Variants in MOV10L1 observed in about 807,000 individuals in gnomAD.
MOV10L1 encodes the protein Mov10 like RNA helicase 1.
In MOV10L1, 110 loss-of-function variants were observed where a neutral mutation model predicts 143.8. That is an observed-to-expected ratio of 0.76 (90% CI 0.66 to 0.90). The LOEUF (loss-of-function observed/expected upper bound fraction) is 0.90, where lower values mean the gene tolerates loss of function less well. MOV10L1 is among the 40% of genes least tolerant of loss of function. MOV10L1 has a pLI of 0.00. For synonymous variants in MOV10L1, 593 were observed against 581.1 expected (o/e 1.02, Z -0.29); for missense variants, 1,406 against 1,526.8 (o/e 0.92, Z 1.32).
intron 3 of MOV10L1, among the ~76,000 whole-genome samples, chr22:50,101,533 G>C (rs1179419319): frequency 6.7e-6 from 1 of 148,534 alleles, no homozygotes; most frequent in Non-Finnish European, 1.5e-5. Context: ...TTTTTTCTTT[G>C]TTTGAGACAG....
intron 15 of MOV10L1, among the ~76,000 whole-genome samples, chr22:50,141,867 A>G (rs2272834): frequency 1.3e-5 from 2 of 152,182 alleles, no homozygotes; most frequent in African/African-American, 4.8e-5. Context: ...TCTAAAAGCA[A>G]GTTTAAAGAA....
chr22:50,135,410 G>A (rs2062797031), intron 15 of MOV10L1, among the ~76,000 whole-genome samples: 2 of 151,920 alleles, frequency 1.3e-5, no homozygotes, highest in South Asian at 2.1e-4. Context: ...TACACACCCC[G>A]CAAATTGTTA....
intron 21 of MOV10L1, 22 bp downstream of exon 21, chr22:50,150,921 G>T: frequency 1.9e-6 from 3 of 1,613,646 alleles, no homozygotes; most frequent in Non-Finnish European, 2.5e-6. Context: ...ACTCCAGCGC[G>T]TTCAGGTCCC....
At chr22:50,099,703 T>C (rs1219577619) in intron 3 of MOV10L1, 101 bp downstream of exon 3, 1 of 1,370,762 alleles carries the variant, frequency 7.3e-7, no homozygotes, top group African/African-American at 1.4e-5. Context: ...ATCCCAGCAC[T>C]TTGTCAGGCT....
At chr22:50,110,192 G>A (rs1001613988) in intron 5 of MOV10L1, among the ~76,000 whole-genome samples, 2 of 152,092 alleles carry the variant, frequency 1.3e-5, no homozygotes, top group East Asian at 1.9e-4. Flanking sequence ...GCTCACGCCC[G>A]TAATACCAGC....
intron 3 of MOV10L1, among the ~76,000 whole-genome samples, chr22:50,107,893 A>T (rs566830388): frequency 6.6e-6 from 1 of 152,328 alleles, no homozygotes; most frequent in Non-Finnish European, 1.5e-5. Flanking sequence ...GAGCATGCAC[A>T]CTGCACCTTC....
At position 50,158,017 on chromosome 22, in the gene MOV10L1, T is replaced by C. The variant is rs761008458; in HGVS notation, c.3067-40T>C. ...CTGGATTGTAGCCTTCTGGTGAATA[T>C]TCATGAAGTAAAGTAGGTTTTCTCT... On this transcript the variant is annotated intron_variant, in intron 22 of 26. Transcript: ENST00000262794. This position sits in a 1 kb window ranked among gnomAD's most constrained non-coding sequence, Gnocchi z 5.0. 1 of 1,588,284 alleles carries C rather than the reference T, an allele frequency of 6.3e-7. No individual in the cohort carries two copies. Among genetic ancestry groups the C allele is most frequent in the East Asian group, 2.2e-5 (1 of 44,540 alleles).
Position 50,090,101 on chromosome 22 carries a change from G to C in MOV10L1, c.13G>C (p.Ala5Pro). The change falls in exon 1 of 27, where the codon GCA becomes CCA. Residue 5 changes from alanine (A) to proline (P), a missense_variant. Ala to Pro is a conservative substitution (Grantham distance 27). Around this residue, in one of 3 missense-constraint regions of MOV10L1, gnomAD observed 166 missense variants for 153.9 expected, o/e 1.08. Coordinates refer to ENST00000262794, the MANE Select transcript of MOV10L1 (RefSeq NM_018995.3). ...CCGGGCGAGGGCCATGCTGAGCCTCGCAGCCAAGCTGGTGGCCTTCTTCTG... is the reference window on the plus strand; with the variant it reads ...CCGGGCGAGGGCCATGCTGAGCCTCCCAGCCAAGCTGGTGGCCTTCTTCTG... MLSLAAKLVAFFWRT... is the reference protein window; with the variant it reads MLSLPAKLVAFFWRT... 7.4e-7 allele frequency: 1 copy of C among 1,349,116 alleles called. No homozygotes were observed. Among genetic ancestry groups the C allele is most frequent in the Non-Finnish European group, 9.5e-7 (1 of 1,050,176 alleles). The allele number at this position is 1,349,116 out of a possible 1,614,324, so 83.6% of individuals were successfully genotyped here.
chr22:50,160,604 A>T (rs913034978), intron 24 of MOV10L1, 84 bp from the exon 25 acceptor site: 1 of 1,483,988 alleles, frequency 6.7e-7, no homozygotes, highest in Non-Finnish European at 9.1e-7. Flanking sequence ...TAACATTTTT[A>T]AATGTTTTTA....
chr22:50,145,915 A>C, intron 19 of MOV10L1, 105 bp downstream of exon 19: 1 of 1,512,118 alleles, frequency 6.6e-7, no homozygotes, highest in Admixed American at 1.8e-5. Flanking sequence ...CTCAGTGCTC[A>C]GGGAGGGAGG....
At position 50,161,609 on chromosome 22, in the gene MOV10L1, C is replaced by T; in HGVS notation, c.*160C>T. ...TTGGACGCAGCTGCTGCTGCCCTGA[C>T]TTTGGCATATGCCAGCCTGTTCCTG... On this transcript the variant is annotated 3_prime_UTR_variant, in exon 27 of 27. Coordinates refer to ENST00000262794, the MANE Select transcript of MOV10L1 (RefSeq NM_018995.3). 1 of 683,450 alleles carries T rather than the reference C, an allele frequency of 1.5e-6. No homozygotes were observed. Among genetic ancestry groups the T allele is most frequent in the East Asian group, 2.9e-5 (1 of 34,692 alleles). 42.3% of individuals were successfully genotyped at this position (683,450 alleles called of 1,614,324 possible). A position where few individuals can be genotyped will look rare whatever the true frequency, so the allele number is the denominator to read the frequency against.
intron 19 of MOV10L1, 112 bp from the exon 20 acceptor site, chr22:50,149,503 G>A: frequency 9.7e-7 from 1 of 1,031,172 alleles, no homozygotes; most frequent in South Asian, 1.5e-5. Flanking sequence ...CACACCCCTG[G>A]GCAACCCTGC....
intron 10 of MOV10L1, among the ~76,000 whole-genome samples, chr22:50,121,902 G>T (rs914832142): frequency 3.3e-5 from 5 of 152,214 alleles, no homozygotes; most frequent in African/African-American, 1.2e-4. Flanking sequence ...TGCTTTTCAA[G>T]ATCTTTTATA....
chr22:50,119,840 G>A (rs1437757668), intron 9 of MOV10L1, among the ~76,000 whole-genome samples: 2 of 151,812 alleles, frequency 1.3e-5, no homozygotes, highest in Non-Finnish European at 2.9e-5. Context: ...AGAGCTGGGA[G>A]GGAATGAGGG....
Position 50,144,142 on chromosome 22 carries a change from T to TC in MOV10L1, c.2406dup (p.Asn803GlnfsTer5). 1 of 1,613,486 alleles carries TC rather than the reference T, an allele frequency of 6.2e-7. No homozygotes were observed. The highest frequency in any genetic ancestry group is 8.5e-7 in the Non-Finnish European group (1 of 1,179,416). On this transcript the variant is annotated frameshift_variant, in exon 18 of 27. Coordinates refer to ENST00000262794, the MANE Select transcript of MOV10L1 (RefSeq NM_018995.3). LOFTEE classifies it high-confidence loss of function. Reference sequence around the variant, plus strand: ...CAGTCGGATTTTAGTCTGTGCGCCCTCCAACAGTGCTGCTGACCTCGTGTG... The same window carrying TC: ...CAGTCGGATTTTAGTCTGTGCGCCCTCCCAACAGTGCTGCTGACCTCGTGTG...
At chr22:50,141,104 G>A (rs1036691420) in intron 15 of MOV10L1, among the ~76,000 whole-genome samples, 2 of 151,644 alleles carry the variant, frequency 1.3e-5, no homozygotes, top group African/African-American at 4.8e-5. Context: ...AGGCTGGAGT[G>A]CAGTGGCACG....
chr22:50,144,453 G>T (rs2063079642), intron 18 of MOV10L1, among the ~76,000 whole-genome samples: 1 of 152,194 alleles, frequency 6.6e-6, no homozygotes, highest in South Asian at 2.1e-4. Context: ...CTCACTCTGT[G>T]TGAGTTATCA....
At chr22:50,150,932 C>G (rs756063058) in intron 21 of MOV10L1, 33 bp downstream of exon 21, 10 of 1,612,732 alleles carry the variant, frequency 6.2e-6, no homozygotes, top group Non-Finnish European at 8.5e-6. Context: ...TTCAGGTCCC[C>G]AGCTAAGCAG....
chr22:50,109,290 C>A (rs549500278), intron 5 of MOV10L1, among the ~76,000 whole-genome samples: 1 of 152,164 alleles, frequency 6.6e-6, no homozygotes, highest in South Asian at 2.1e-4. Context: ...TTCAGGAGGC[C>A]GTGGCAGGAG....
Sources: allele counts gnomAD v4.1 joint callset (sites outside exome capture counted in the v4.1 genomes callset), GRCh38; gene constraint gnomAD v4.1.1; regional missense constraint gnomAD v4.1.1; non-coding constraint Gnocchi (gnomAD v3.1); transcripts MANE v1.5; gene names NCBI Gene and HGNC (gene_info 2026-07-23, HGNC 2026-07-21).